Variants in STMND1 observed in about 807,000 individuals in gnomAD.
STMND1 encodes stathmin domain containing 1, also known as stathmin domain-containing protein 1.
A neutral mutation model predicts 23.0 loss-of-function variants in STMND1; 17 were observed. The ratio of observed to expected loss-of-function variants is 0.74; its 90% CI spans 0.51 to 1.11. STMND1 has a LOEUF of 1.11. STMND1 is among the 50% of genes least tolerant of loss of function. The pLI is 0.00. For synonymous variants in STMND1, 114 were observed against 119.9 expected, an observed-to-expected ratio of 0.95 and a Z score of 0.32; for missense variants, 305 against 329.1, an observed-to-expected ratio of 0.93 and a Z score of 0.57.
Position 17,102,199 on chromosome 6 carries a change from G to A in STMND1, c.-59G>A. On this transcript the variant is annotated 5_prime_UTR_variant, in exon 1 of 5. Coordinates refer to ENST00000536551, the MANE Select transcript of STMND1 (RefSeq NM_001190766.2). The stretch of plus-strand genomic sequence containing the variant: ...ACCACCGGCGCCGGAGCGCGGCAGG[G>A]AGCGCTCGCGGGGGCGCACAGCAGC... The A allele has an allele frequency of 6.8e-7, 1 of 1,471,196 alleles. No homozygotes were observed. The highest frequency in any genetic ancestry group is 8.9e-7 in the Non-Finnish European group (1 of 1,118,002). 91.1% of individuals were successfully genotyped at this position (1,471,196 alleles called of 1,614,324 possible). A position where few individuals can be genotyped will look rare whatever the true frequency, so the allele number is the denominator to read the frequency against.
rs1408294171 is a variant in STMND1, at chr6:17,130,676, A to T, written c.626A>T (p.Asp209Val). ...SANHSDSAEL[D>V]GAEVAFAKGL... ...AATCACTCAGATTCAGCTGAATTAG[A>T]TGGGGCCGAGGTTGCATTTGCCAAA... The change falls in exon 5 of 5, where the codon GAT (aspartate) becomes GTT (valine). Residue 209 changes from aspartate (D) to valine (V), a missense_variant. Physicochemically the swap from Asp to Val is radical, Grantham distance 152. Coordinates refer to ENST00000536551, the MANE Select transcript of STMND1 (RefSeq NM_001190766.2). The T allele has an allele frequency of 6.5e-7, 1 of 1,536,012 alleles. No individual in the cohort carries two copies. Among genetic ancestry groups the T allele is most frequent in the South Asian group, 1.2e-5 (1 of 84,056 alleles).
At chr6:17,110,684 C>G (rs1034147732) in intron 1 of STMND1, 11 of 386,798 alleles carry the variant, frequency 2.8e-5, no homozygotes, top group Admixed American at 1.5e-4. Context: ...AGGAGAATCA[C>G]TTGAACCCGA....
intron 2 of STMND1, among the ~76,000 whole-genome samples, chr6:17,116,745 A>T (rs1261885530): frequency 6.6e-6 from 1 of 152,106 alleles, no homozygotes; most frequent in Non-Finnish European, 1.5e-5. Context: ...TGCAGAGTAT[A>T]TTTCTTAAGA....
At chr6:17,122,567 T>C (rs971204504) in intron 3 of STMND1, among the ~76,000 whole-genome samples, 3 of 152,092 alleles carry the variant, frequency 2.0e-5, no homozygotes, top group Admixed American at 2.0e-4. Flanking sequence ...CTTCTTTGTG[T>C]ATGGGGAATG....
At chr6:17,119,133 AC>A (rs950645197) in intron 2 of STMND1, among the ~76,000 whole-genome samples, 1 of 152,116 alleles carries the variant, frequency 6.6e-6, no homozygotes, top group Non-Finnish European at 1.5e-5. Flanking sequence ...ATGTTTTACT[AC>A]CCCATGCCAA....
At chr6:17,125,382 T>C (rs1243964379) in intron 3 of STMND1, among the ~76,000 whole-genome samples, 2 of 152,220 alleles carry the variant, frequency 1.3e-5, no homozygotes, top group Non-Finnish European at 1.5e-5. Context: ...TTTATCCACA[T>C]AGGTATTATT....
chr6:17,104,932 C>T (rs1389641768), intron 1 of STMND1, among the ~76,000 whole-genome samples: 1 of 152,068 alleles, frequency 6.6e-6, no homozygotes, highest in Non-Finnish European at 1.5e-5. Flanking sequence ...TCTGTGGGTT[C>T]CACATTCAGG....
intron 3 of STMND1, among the ~76,000 whole-genome samples, chr6:17,123,061 G>A (rs925026410): frequency 2.6e-5 from 4 of 152,146 alleles, no homozygotes; most frequent in African/African-American, 7.2e-5. Flanking sequence ...TAGACACTTC[G>A]ATGTCTACAT....
intron 1 of STMND1, among the ~76,000 whole-genome samples, chr6:17,108,336 C>T (rs1761053103): frequency 9.5e-6 from 1 of 105,156 alleles, no homozygotes; most frequent in Non-Finnish European, 2.2e-5. Context: ...TTCAAATTCG[C>T]TCTCAATTCC....
chr6:17,109,501 A>G (rs1030755599), intron 1 of STMND1, among the ~76,000 whole-genome samples: 3 of 152,200 alleles, frequency 2.0e-5, no homozygotes, highest in Non-Finnish European at 4.4e-5. Context: ...TGGTTAACAC[A>G]TGCTTGTATA....
At chr6:17,105,548 G>A (rs1388324765) in intron 1 of STMND1, among the ~76,000 whole-genome samples, 4 of 152,150 alleles carry the variant, frequency 2.6e-5, no homozygotes, top group African/African-American at 9.7e-5. Flanking sequence ...GGGGGGCTGA[G>A]GCAGGAGAAT....
intron 1 of STMND1, among the ~76,000 whole-genome samples, chr6:17,105,159 A>G (rs1761005500): frequency 2.6e-5 from 4 of 152,204 alleles, no homozygotes; most frequent in Admixed American, 1.3e-4. Flanking sequence ...TTTTCTATAA[A>G]GGACTTGAAC....
At chr6:17,106,372 C>G (rs1452758856) in intron 1 of STMND1, among the ~76,000 whole-genome samples, 1 of 152,184 alleles carries the variant, frequency 6.6e-6, no homozygotes, top group East Asian at 1.9e-4. Flanking sequence ...ATCTTTGTAT[C>G]TCCAATTCTT....
intron 1 of STMND1, among the ~76,000 whole-genome samples, chr6:17,108,696 CTT>C (rs10653504): frequency 1.0e-4 from 14 of 138,708 alleles, no homozygotes; most frequent in Non-Finnish European, 1.1e-4. Flanking sequence ...TTTTCTTTTT[CTT>C]TTTTTTTTTT....
chr6:17,130,862 C>G lies in STMND1; in HGVS notation c.812C>G (p.Ala271Gly). Residue 271 changes from alanine (A) to glycine (G), a missense_variant, in exon 5 of 5, where the codon GCA (alanine) becomes GGA (glycine). Physicochemically the swap from Ala to Gly is moderately conservative, Grantham distance 60 (BLOSUM62 0). Transcript: ENST00000536551. ...GAGTCAGACATGTCCTACAACCAAGCAGATGACATAGTCTACTAAGCCATT... is the reference window on the plus strand; with the variant it reads ...GAGTCAGACATGTCCTACAACCAAGGAGATGACATAGTCTACTAAGCCATT... The part of the protein sequence containing the change: ...VVESDMSYNQ[A>G]DDIVY The G allele has an allele frequency of 1.3e-6, 2 of 1,528,158 alleles. No individual in the cohort carries two copies. The highest frequency in any genetic ancestry group is 8.8e-7 in the Non-Finnish European group (1 of 1,142,056). 94.7% of individuals were successfully genotyped at this position (1,528,158 alleles called of 1,614,324 possible).
At chr6:17,102,359 C>A in intron 1 of STMND1, 21 bp downstream of exon 1, 1 of 1,535,258 alleles carries the variant, frequency 6.5e-7, no homozygotes, top group Non-Finnish European at 8.7e-7. Flanking sequence ...AACAAACAAA[C>A]AAACAAACAA....
chr6:17,106,434 GCATGTCCCTCCTGGTTC>G (rs1322386723), intron 1 of STMND1, among the ~76,000 whole-genome samples: 1 of 152,110 alleles, frequency 6.6e-6, no homozygotes, highest in East Asian at 1.9e-4. Flanking sequence ...TTGAGCAAAT[GCATGTCCCTCCTGGTTC>G]CAAGATTCCT....
At chr6:17,103,589 T>TTTTTTA (rs1760973512) in intron 1 of STMND1, among the ~76,000 whole-genome samples, 1 of 123,434 alleles carries the variant, frequency 8.1e-6, no homozygotes, top group Non-Finnish European at 1.8e-5. Context: ...TTTTTTTTTT[T>TTTTTTA]GAGACGGAGT....
chr6:17,115,275 T>C, intron 2 of STMND1, 136 bp downstream of exon 2: 1 of 796,070 alleles, frequency 1.3e-6, no homozygotes, highest in Non-Finnish European at 1.9e-6. Context: ...AGTGTTTTTG[T>C]CTCTGAAACA....
Sources: allele counts gnomAD v4.1 joint callset (sites outside exome capture counted in the v4.1 genomes callset), GRCh38; gene constraint gnomAD v4.1.1; transcripts MANE v1.5; gene names NCBI Gene and HGNC (gene_info 2026-07-23, HGNC 2026-07-21).